ATP6V0A4: variants seen among roughly 807,000 people sequenced by gnomAD.
ATP6V0A4 encodes V-type proton ATPase 116 kDa subunit a 4.
In ATP6V0A4, 86 loss-of-function variants were observed where a neutral mutation model predicts 107.3. The ratio of observed to expected loss-of-function variants is 0.80; its 90% CI spans 0.67 to 0.96. ATP6V0A4 has a LOEUF of 0.96. Among genes scored for constraint, ATP6V0A4 ranks in the 40% least tolerant of loss-of-function variants. The probability of loss-of-function intolerance (pLI) is 0.00; values close to 1 mark genes in which losing one functional copy is unlikely to be tolerated. For synonymous variants in ATP6V0A4, 353 were observed against 381.4 expected, an observed-to-expected ratio of 0.93 and a Z score of 0.87; for missense variants, 908 against 1,045.6, an observed-to-expected ratio of 0.87 and a Z score of 1.81.
Position 138,751,744 on chromosome 7 carries a change from G to A in ATP6V0A4, c.1029+881C>T, listed in dbSNP as rs576472031. Among the ~76,000 whole-genome samples the A allele has an allele frequency of 1.6e-4, 24 of 151,952 alleles. 1 individual carries two copies. The East Asian group carries it at 2.3e-3, about 15-fold the overall frequency. ...AGTGCTTAGCCATCTCGGACACACC[G>A]CAAGCGATCTACATATTTTGGCTCT... On this transcript the variant is annotated intron_variant, in intron 11 of 21. Transcript: ENST00000310018.
chr7:138,713,938 C>CA (rs34143397), intron 20 of ATP6V0A4, among the ~76,000 whole-genome samples: 26,968 of 135,706 alleles, frequency 0.2, 2,560 homozygotes, highest in South Asian at 0.25. Flanking sequence ...CTGTCTCTAC[C>CA]AAAAAAAAAA....
intron 2 of ATP6V0A4, among the ~76,000 whole-genome samples, chr7:138,782,883 T>G (rs140254202): frequency 6.6e-6 from 1 of 152,214 alleles, no homozygotes; most frequent in Non-Finnish European, 1.5e-5. Context: ...AAGACCAGTC[T>G]GGCCAACATA....
intron 2 of ATP6V0A4, among the ~76,000 whole-genome samples, chr7:138,777,275 T>C (rs117186645): frequency 0.098 from 14,926 of 152,074 alleles, 987 homozygotes; most frequent in Non-Finnish European, 0.14. Flanking sequence ...TGGGAAGCCC[T>C]TGGGAAATTT....
intron 12 of ATP6V0A4, 150 bp from the exon 13 acceptor site, chr7:138,747,714 T>C: frequency 1.6e-6 from 2 of 1,268,312 alleles, no homozygotes; most frequent in Non-Finnish European, 2.2e-6. Flanking sequence ...TGACACATGC[T>C]TAGCTGCCAC....
intron 1 of ATP6V0A4, among the ~76,000 whole-genome samples, chr7:138,797,104 C>T (rs975679072): frequency 2.0e-5 from 3 of 152,126 alleles, no homozygotes; most frequent in African/African-American, 7.2e-5. Context: ...ACTTCCTTAC[C>T]TCTGGACCTT....
intron 19 of ATP6V0A4, among the ~76,000 whole-genome samples, chr7:138,719,513 C>T (rs1481491337): frequency 6.6e-6 from 1 of 152,186 alleles, no homozygotes; most frequent in African/African-American, 2.4e-5. Flanking sequence ...GTCAATCAAT[C>T]AGTCAATCCT....
At chr7:138,707,375 T>TTA (rs1204041761) in intron 21 of ATP6V0A4, among the ~76,000 whole-genome samples, 3 of 98,644 alleles carry the variant, frequency 3.0e-5, no homozygotes, top group East Asian at 2.4e-4. Context: ...ATATATATAT[T>TTA]TATATATATA....
intron 19 of ATP6V0A4, among the ~76,000 whole-genome samples, chr7:138,718,599 T>TGGGGAGGAAG: frequency 1.7e-5 from 1 of 58,486 alleles, no homozygotes; most frequent in Admixed American, 2.6e-4. Context: ...TGGGGAGGAA[T>TGGGGAGGAAG]GGGGAGGAAT....
Position 138,751,652 on chromosome 7 carries a change from C to T in ATP6V0A4, c.1029+973G>A, listed in dbSNP as rs529730790. On this transcript the variant is annotated intron_variant, in intron 11 of 21. Transcript: ENST00000310018. ...CCTGCCAGTGTGTAAGCCCTAGATC[C>T]GTTCCTAGTACACAGGGAATGTCTA... Among the ~76,000 whole-genome samples, 15 of 152,000 alleles carry T rather than the reference C, an allele frequency of 9.9e-5. 1 individual carries two copies. In the South Asian group the frequency reaches 2.1e-3, roughly 21 times the overall value.
Position 138,745,187 on chromosome 7 carries a change from T to C in ATP6V0A4, c.1414A>G (p.Lys472Glu). 6.2e-7 allele frequency: 1 copy of C among 1,614,186 alleles called. No homozygotes were observed. Among genetic ancestry groups the C allele is most frequent in the Non-Finnish European group, 8.5e-7 (1 of 1,180,030 alleles). ...TGLIYNDCFS[K>E]SLNIFGSSWS... is the part of the protein sequence containing the mutation. ...GAAGAGCCAAAGATGTTCAAGGACT[T>C]GGAGAAGCAGTCATTGTAGATCAAA... Residue 472 changes from lysine to glutamate, a missense_variant, in exon 14 of 22, where the codon AAG becomes GAG. Lys to Glu is a moderately conservative substitution (Grantham distance 56). Coordinates refer to ENST00000310018, the MANE Select transcript of ATP6V0A4 (RefSeq NM_020632.3).
Position 138,734,247 on chromosome 7 carries a change from T to G in ATP6V0A4, c.1580A>C (p.Asn527Thr), listed in dbSNP as rs759114660. The change falls in exon 16 of 22, where the codon AAC (asparagine) becomes ACC (threonine). Residue 527 changes from asparagine to threonine, a missense_variant. Asn to Thr is a moderately conservative substitution (Grantham distance 65). Coordinates refer to ENST00000310018, the MANE Select transcript of ATP6V0A4 (RefSeq NM_020632.3). ...AAATGTGAGTTTGTTTGAAGCCAAG[T>G]TCCAAATCTGGATGGGAAATGGGAC... ...PYPFGIDPIWNLASNKLTFLN... is the reference protein window; with the variant it reads ...PYPFGIDPIWTLASNKLTFLN... The G allele has an allele frequency of 2.5e-6, 4 of 1,613,288 alleles. No individual in the cohort carries two copies. The African/African-American group carries it at 5.3e-5, about 22-fold the overall frequency.
At chr7:138,750,362 C>A (rs1373355386) in intron 11 of ATP6V0A4, among the ~76,000 whole-genome samples, 4 of 152,054 alleles carry the variant, frequency 2.6e-5, no homozygotes, top group African/African-American at 9.7e-5. Context: ...GTGATCCTCC[C>A]GCCACAGCCT....
At chr7:138,731,232 G>A (rs904713841) in intron 17 of ATP6V0A4, among the ~76,000 whole-genome samples, 1 of 152,164 alleles carries the variant, frequency 6.6e-6, no homozygotes, top group Non-Finnish European at 1.5e-5. Context: ...ACTACGCCCA[G>A]CCTTTTCTTT....
intron 2 of ATP6V0A4, among the ~76,000 whole-genome samples, chr7:138,779,362 AAAT>A (rs1285911463): frequency 9.3e-6 from 1 of 107,598 alleles, no homozygotes; most frequent in African/African-American, 2.9e-5. Flanking sequence ...AAAAATAAAT[AAAT>A]AAAAGATTGT....
At chr7:138,709,513 G>A (rs1334664589) in intron 21 of ATP6V0A4, 111 bp downstream of exon 21, 9 of 997,894 alleles carry the variant, frequency 9.0e-6, no homozygotes, top group South Asian at 5.1e-5. Flanking sequence ...AAAGAGGTAT[G>A]TAAGCTGCTA....
chr7:138,708,171 C>T (rs1248919146), intron 21 of ATP6V0A4, among the ~76,000 whole-genome samples: 1 of 151,938 alleles, frequency 6.6e-6, no homozygotes, highest in Admixed American at 6.6e-5. Flanking sequence ...CCTGCCTCAG[C>T]CCCTTGAGTA....
chr7:138,714,559 TAGACAGAC>T lies in ATP6V0A4; in HGVS notation c.2257+1197_2257+1204del, dbSNP rs58118736. On this transcript the variant is annotated intron_variant, in intron 20 of 21. Coordinates refer to ENST00000310018, the MANE Select transcript of ATP6V0A4 (RefSeq NM_020632.3). ...TGTCTCTTTTAGATAGATAGATAGA[TAGACAGAC>T]AGACAGACAGACAGACAGGCAGATG... 6.9e-4 allele frequency among the ~76,000 whole-genome samples: 102 copies of T among 148,606 alleles called. 4 individuals are homozygous for T. In the South Asian group the frequency reaches 0.019, roughly 28 times the overall value.
chr7:138,739,796 ACT>A (rs1805526931), intron 14 of ATP6V0A4, 163 bp from the exon 15 acceptor site: 1 of 741,208 alleles, frequency 1.3e-6, no homozygotes, highest in East Asian at 1.3e-4. Context: ...TGTCCTAAAC[ACT>A]GAGGCTACAA....
rs1808768419 is a variant in ATP6V0A4, at chr7:138,798,003, T to C, written c.-121+31A>G. The C allele has an allele frequency of 3.2e-6, 5 of 1,548,494 alleles. No individual in the cohort carries two copies. The Admixed American group carries it at 5.9e-5, about 18-fold the overall frequency. On this transcript the variant is annotated intron_variant, in intron 1 of 21. Coordinates refer to ENST00000310018, the MANE Select transcript of ATP6V0A4 (RefSeq NM_020632.3). ...TAAGTTCACCTCTGGCAGAGTTGCT[T>C]TCCAGCTCCTGCAGGTGGGAGTCGA...
Sources: allele counts gnomAD v4.1 joint callset (sites outside exome capture counted in the v4.1 genomes callset), GRCh38; gene constraint gnomAD v4.1.1; transcripts MANE v1.5; gene names NCBI Gene and HGNC (gene_info 2026-07-23, HGNC 2026-07-21).